KCNMB2: variants seen among roughly 807,000 people sequenced by gnomAD.
The protein encoded by KCNMB2 is calcium-activated potassium channel subunit beta-2.
In KCNMB2, 9 loss-of-function variants were observed where a neutral mutation model predicts 24.5. The observed-to-expected ratio is 0.37, with a 90% CI of 0.22 to 0.64. KCNMB2 has a LOEUF of 0.64. KCNMB2 is among the 30% of genes least tolerant of loss of function. The pLI is 0.63. For synonymous variants in KCNMB2, 109 were observed against 104.4 expected (o/e 1.04, Z -0.27); for missense variants, 226 against 284.3 (o/e 0.79, Z 1.47).
In KCNMB2 at chr3:178,759,313, GAGGATATATATATATA is replaced by G. The variant is rs1711572457; in HGVS notation, c.-67-48029_-67-48014del. Among the ~76,000 whole-genome samples, 4 of 92,042 alleles carry G rather than the reference GAGGATATATATATATA, an allele frequency of 4.3e-5. 1 individual carries two copies. Among genetic ancestry groups the G allele is most frequent in the Admixed American group, 2.4e-4 (2 of 8,186 alleles). 60.4% of individuals were successfully genotyped at this position (92,042 alleles called of 152,430 possible). On this transcript the variant is annotated intron_variant, in intron 1 of 4. Transcript: ENST00000452583. ...AGAGGAGACATATATATATCTCCAA[GAGGATATATATATATA>G]TATATCTCCAAGAGGATATATATAT...
intron 2 of KCNMB2, among the ~76,000 whole-genome samples, chr3:178,822,628 C>T (rs115086505): frequency 1.6e-3 from 247 of 152,332 alleles, no homozygotes; most frequent in African/African-American, 5.6e-3. Context: ...ATGGGTATGG[C>T]CCACTCCACT....
At chr3:178,728,329 C>A (rs1723030340) in intron 1 of KCNMB2, among the ~76,000 whole-genome samples, 1 of 152,036 alleles carries the variant, frequency 6.6e-6, no homozygotes, top group African/African-American at 2.4e-5. Context: ...TTTGTATCAA[C>A]AAAATCTTTC....
At chr3:178,778,998 G>A (rs1423935597) in intron 1 of KCNMB2, among the ~76,000 whole-genome samples, 1 of 152,170 alleles carries the variant, frequency 6.6e-6, no homozygotes, top group African/African-American at 2.4e-5. Flanking sequence ...TGAAATGTGA[G>A]GGGAAAGGAT....
In KCNMB2 at chr3:178,536,698, G is replaced by A. The variant is rs1453577372; in HGVS notation, c.-81G>A. On this transcript the variant is annotated 5_prime_UTR_variant, in exon 1 of 5. It removes the in-frame stop codon of an upstream open reading frame in the 5' UTR. Coordinates refer to ENST00000452583, the MANE Select transcript of KCNMB2 (RefSeq NM_181361.3). The stretch of plus-strand genomic sequence containing the variant: ...TAAGCGTGGCTTTTGAGGAAGATGT[G>A]ACAACTACCGGAGGTAGGATTTGCA... 6.6e-6 allele frequency: 1 copy of A among 152,288 alleles called. No individual in the cohort carries two copies. The highest frequency in any genetic ancestry group is 1.5e-5 in the Non-Finnish European group (1 of 68,052). 9.4% of individuals were successfully genotyped at this position (152,288 alleles called of 1,614,324 possible). A position where few individuals can be genotyped will look rare whatever the true frequency, so the allele number is the denominator to read the frequency against.
At chr3:178,784,408 C>T (rs1713011827) in intron 1 of KCNMB2, among the ~76,000 whole-genome samples, 1 of 152,128 alleles carries the variant, frequency 6.6e-6, no homozygotes, top group Non-Finnish European at 1.5e-5. Context: ...TCTTTGTAAA[C>T]TGGGTTGTCT....
intron 1 of KCNMB2, among the ~76,000 whole-genome samples, chr3:178,782,401 C>T (rs1430023794): frequency 6.6e-6 from 1 of 151,642 alleles, no homozygotes; most frequent in Non-Finnish European, 1.5e-5. Context: ...GTGTACAGTC[C>T]CACCAACAGT....
chr3:178,662,314 A>G (rs746515041), intron 1 of KCNMB2, among the ~76,000 whole-genome samples: 7 of 152,176 alleles, frequency 4.6e-5, no homozygotes, highest in Non-Finnish European at 7.4e-5. Context: ...GAGCCATGTC[A>G]TTACTTGGGC....
intron 1 of KCNMB2, among the ~76,000 whole-genome samples, chr3:178,674,130 T>A (rs1720994155): frequency 1.3e-5 from 2 of 152,076 alleles, no homozygotes; most frequent in Admixed American, 1.3e-4. Context: ...ATTTTTTTTT[T>A]ACCCCACTGG....
chr3:178,660,591 T>C (rs1215101229), intron 1 of KCNMB2, among the ~76,000 whole-genome samples: 1 of 152,212 alleles, frequency 6.6e-6, no homozygotes, highest in East Asian at 1.9e-4. Flanking sequence ...GTTATTTTAT[T>C]ATCTACTCTG....
intron 1 of KCNMB2, among the ~76,000 whole-genome samples, chr3:178,627,043 T>C (rs1166216733): frequency 2.0e-5 from 3 of 151,912 alleles, no homozygotes; most frequent in Non-Finnish European, 4.4e-5. Context: ...GCCTGTCTCC[T>C]GTGTAAAATT....
At chr3:178,678,898 T>A (rs1423669703) in intron 1 of KCNMB2, among the ~76,000 whole-genome samples, 1 of 152,158 alleles carries the variant, frequency 6.6e-6, no homozygotes, top group Admixed American at 6.5e-5. Context: ...CCTTTCCTGA[T>A]CTTCTTTCTA....
chr3:178,780,600 G>C (rs1320332925), intron 1 of KCNMB2, among the ~76,000 whole-genome samples: 1 of 152,172 alleles, frequency 6.6e-6, no homozygotes, highest in Admixed American at 6.5e-5. Context: ...CTGCTGTAAG[G>C]CAAGCCAACC....
At chr3:178,647,441 C>G (rs901667451) in intron 1 of KCNMB2, among the ~76,000 whole-genome samples, 6 of 152,154 alleles carry the variant, frequency 3.9e-5, no homozygotes, top group African/African-American at 1.2e-4. Context: ...GATTACTCGC[C>G]TGTTTCCAGA....
At chr3:178,603,144 C>T (rs954651511) in intron 1 of KCNMB2, among the ~76,000 whole-genome samples, 7 of 152,044 alleles carry the variant, frequency 4.6e-5, no homozygotes, top group East Asian at 1.9e-4. Context: ...CTCCCTGGGG[C>T]AGGGAAAAAA....
At chr3:178,709,009 G>A (rs1273107144) in intron 1 of KCNMB2, among the ~76,000 whole-genome samples, 4 of 152,130 alleles carry the variant, frequency 2.6e-5, no homozygotes, top group African/African-American at 9.7e-5. Context: ...TTTATAAGAA[G>A]CTTAACTCCT....
chr3:178,579,356 A>C (rs1030635523), intron 1 of KCNMB2, among the ~76,000 whole-genome samples: 1 of 152,154 alleles, frequency 6.6e-6, no homozygotes, highest in Admixed American at 6.5e-5. Flanking sequence ...AATCTCTGGG[A>C]CACAGCTAAA....
rs542624040 is a variant in KCNMB2, at chr3:178,568,709, A to G, written c.-68+31998A>G. 2.0e-5 allele frequency among the ~76,000 whole-genome samples: 3 copies of G among 150,226 alleles called. No homozygotes were observed. In the South Asian group the frequency reaches 6.3e-4, roughly 32 times the overall value. On this transcript the variant is annotated intron_variant, in intron 1 of 4. Coordinates refer to ENST00000452583, the MANE Select transcript of KCNMB2 (RefSeq NM_181361.3). ...ACTTATTGAACTAATAAATGCATTTATCCTACCTGGAATGTGTAGAGAAAT... is the reference window on the plus strand; with the variant it reads ...ACTTATTGAACTAATAAATGCATTTGTCCTACCTGGAATGTGTAGAGAAAT...
intron 1 of KCNMB2, among the ~76,000 whole-genome samples, chr3:178,789,218 T>C (rs1238392323): frequency 6.6e-6 from 1 of 152,180 alleles, no homozygotes; most frequent in East Asian, 1.9e-4. Context: ...TGTCAATGCG[T>C]CATGATTATA....
Position 178,768,924 on chromosome 3 carries a change from G to A in KCNMB2, c.-67-38419G>A, listed in dbSNP as rs546134891. Reference sequence around the variant, plus strand: ...GTTTCACATGAGTGAAATCTGAAAGGAAGAATACCCCATAATGTACCAACA... The same window carrying A: ...GTTTCACATGAGTGAAATCTGAAAGAAAGAATACCCCATAATGTACCAACA... On this transcript the variant is annotated intron_variant, in intron 1 of 4. Coordinates refer to ENST00000452583, the MANE Select transcript of KCNMB2 (RefSeq NM_181361.3). Among the ~76,000 whole-genome samples the A allele has an allele frequency of 9.2e-5, 14 of 151,804 alleles. No homozygotes were observed. The South Asian group carries it at 2.9e-3, about 32-fold the overall frequency.
Sources: gnomAD v4.1 joint callset for allele counts (sites outside exome capture counted in the v4.1 genomes callset) on GRCh38, gnomAD v4.1.1 for gene constraint, MANE v1.5 for transcripts, NCBI Gene and HGNC (gene_info 2026-07-23, HGNC 2026-07-21) for gene names.